The following UMOD variants were observed in gnomAD, a reference collection of about 807,000 sequenced individuals.
The protein encoded by UMOD is uromodulin, also known as Tamm-Horsfall urinary glycoprotein.
In UMOD, 64 loss-of-function variants were observed where a neutral mutation model predicts 66.0. The ratio of observed to expected loss-of-function variants is 0.97; its 90% confidence interval spans 0.79 to 1.19. The LOEUF (loss-of-function observed/expected upper bound fraction) is 1.19. UMOD is among the 50% of genes most tolerant of loss of function. UMOD has a pLI of 0.00. For missense variants in UMOD, 764 were observed against 850.9 expected, an observed-to-expected ratio of 0.90 and a Z score of 1.27; for synonymous variants, 398 against 352.7, an observed-to-expected ratio of 1.13 and a Z score of -1.44.
rs143641292 is a variant in UMOD, at chr16:20,336,726, G to T, written c.1742C>A (p.Thr581Asn). Residue 581 changes from threonine (T) to asparagine (N), a missense_variant and splice_region_variant, in exon 9 of 11, where the codon ACC (threonine) becomes AAC (asparagine). Thr to Asn is a moderately conservative substitution (Grantham distance 65). Transcript: ENST00000396138. ...CDTMNEKCKP[T>N]CSGTRFRSGS... ...ACTTCGGAATCTGGTCCCAGAGCAG[G>T]TCTACAGGGAGAGGGCAATAGAAAA... 2.1e-4 allele frequency: 338 copies of T among 1,614,042 alleles called. 1 individual carries two copies. Among genetic ancestry groups the T allele is most frequent in the Middle Eastern group, 5.0e-4 (3 of 6,044 alleles).
chr16:20,347,315 G>A (rs1257333650), intron 4 of UMOD, among the ~76,000 whole-genome samples: 4 of 152,150 alleles, frequency 2.6e-5, no homozygotes, highest in Admixed American at 6.5e-5. Flanking sequence ...GAGCCACTGC[G>A]CCCGGCCCAC....
At chr16:20,340,521 A>G (rs1248063805) in intron 7 of UMOD, among the ~76,000 whole-genome samples, 1 of 150,850 alleles carries the variant, frequency 6.6e-6, no homozygotes, top group Non-Finnish European at 1.5e-5. Context: ...TTGCCAATAC[A>G]TATGTATTGA....
chr16:20,339,010 C>T (rs1057470999), intron 7 of UMOD, among the ~76,000 whole-genome samples: 14 of 152,242 alleles, frequency 9.2e-5, no homozygotes, highest in Admixed American at 7.2e-4. Flanking sequence ...ATCTGCCTGC[C>T]TCAGCCTCCC....
chr16:20,350,869 A>G (rs181686405), intron 1 of UMOD, 30 bp from the exon 2 acceptor site: 47 of 1,536,162 alleles, frequency 3.1e-5, no homozygotes, highest in Non-Finnish European at 2.7e-5. Context: ...GGACAAATGC[A>G]TGATCTAACT....
intron 7 of UMOD, among the ~76,000 whole-genome samples, chr16:20,340,472 G>GTA (rs10533543): frequency 0.025 from 2,772 of 112,462 alleles, 24 homozygotes; most frequent in African/African-American, 0.038. Context: ...GTGTGTGTGT[G>GTA]TATATATATA....
At chr16:20,338,424 G>A (rs1311338538) in intron 7 of UMOD, among the ~76,000 whole-genome samples, 1 of 152,156 alleles carries the variant, frequency 6.6e-6, no homozygotes, top group Non-Finnish European at 1.5e-5. Flanking sequence ...GCAACTTATA[G>A]ACACACCCTA....
At chr16:20,343,093 G>C (rs1965328417) in intron 6 of UMOD, among the ~76,000 whole-genome samples, 1 of 151,574 alleles carries the variant, frequency 6.6e-6, no homozygotes. Context: ...TCATGCCATT[G>C]AACTCCAGCC....
rs74906285 is a variant in UMOD at position 20,351,328 on chromosome 16, G to A, written c.-102-489C>T. On this transcript the variant is annotated intron_variant, in intron 1 of 10. Transcript: ENST00000396138. ...CACATATCGTAAAGAAGTGGCTTGAGACGAGCAACTTGAGAGGTAATTAAC... is the reference window on the plus strand; with the variant it reads ...CACATATCGTAAAGAAGTGGCTTGAAACGAGCAACTTGAGAGGTAATTAAC... 9.4e-3 allele frequency: 1,643 copies of A among 174,140 alleles called. 27 individuals carry two copies. Among genetic ancestry groups the A allele is most frequent in the African/African-American group, 0.037 (1,555 of 42,122 alleles). 10.8% of individuals were successfully genotyped at this position (174,140 alleles called of 1,614,324 possible). A position where few individuals can be genotyped will look rare whatever the true frequency, so the allele number is the denominator to read the frequency against.
chr16:20,354,344 T>C (rs1307943458), upstream of UMOD, among the ~76,000 whole-genome samples: 1 of 152,182 alleles, frequency 6.6e-6, no homozygotes, highest in Non-Finnish European at 1.5e-5. Flanking sequence ...TATTGACTCC[T>C]CTTCCCAAAC....
Position 20,341,153 on chromosome 16 carries a change from G to A in UMOD, c.1515C>T (p.Asn505=). The change falls in exon 7 of 11, where the codon AAC becomes AAT. Residue 505 remains asparagine, a synonymous_variant. Coordinates refer to ENST00000396138, the MANE Select transcript of UMOD (RefSeq NM_003361.4). ...DLSRFALLMT[N]CYATPSSNAT... Reference sequence around the variant, plus strand: ...CATTGCTACTGGGTGTGGCATAGCAGTTGGTCATGAGCAGTGCAAATCGGG... The same window carrying A: ...CATTGCTACTGGGTGTGGCATAGCAATTGGTCATGAGCAGTGCAAATCGGG... The A allele has an allele frequency of 1.9e-6, 3 of 1,614,158 alleles. No individual in the cohort carries two copies. The highest frequency in any genetic ancestry group is 2.5e-6 in the Non-Finnish European group (3 of 1,180,030).
Position 20,341,086 on chromosome 16 carries a change from C to T in UMOD, c.1577+5G>A, listed in dbSNP as rs1482781247. ...TGAGTTCCCATGTAGGAACCTTTGC[C>T]TTACCTGTCCTGGATGATGAAGTAC... is the stretch of plus-strand genomic sequence containing the variant. On this transcript the variant is annotated splice_donor_5th_base_variant and intron_variant, in intron 7 of 10. Coordinates refer to ENST00000396138, the MANE Select transcript of UMOD (RefSeq NM_003361.4). The T allele has an allele frequency of 6.2e-7, 1 of 1,613,562 alleles. No individual in the cohort carries two copies. Among genetic ancestry groups the T allele is most frequent in the East Asian group, 2.2e-5 (1 of 44,858 alleles).
In UMOD at chr16:20,333,089, G is replaced by A. The variant is rs1004383424; in HGVS notation, c.*225C>T. The A allele has an allele frequency of 7.0e-6, 4 of 569,296 alleles. No homozygotes were observed. The highest frequency in any genetic ancestry group is 1.3e-5 in the Non-Finnish European group (4 of 310,208). 35.3% of individuals were successfully genotyped at this position (569,296 alleles called of 1,614,324 possible). ...TCATTATTTTGCCACACTCTTTAAG[G>A]AGATGGGGGCCTCAGGTACACCGTC... On this transcript the variant is annotated 3_prime_UTR_variant, in exon 11 of 11. Transcript: ENST00000396138.
rs1964682255 is a variant in UMOD at position 20,333,118 on chromosome 16, A to G, written c.*196T>C. The G allele has an allele frequency of 1.6e-6, 1 of 632,114 alleles. No homozygotes were observed. Among genetic ancestry groups the G allele is most frequent in the African/African-American group, 1.8e-5 (1 of 54,560 alleles). 39.2% of individuals were successfully genotyped at this position (632,114 alleles called of 1,614,324 possible). A position where few individuals can be genotyped will look rare whatever the true frequency, so the allele number is the denominator to read the frequency against. ...TGGGGGCCTCAGGTACACCGTCACA[A>G]GTCCCATTTTGAGAAAAAGCAGCAT... On this transcript the variant is annotated 3_prime_UTR_variant, in exon 11 of 11. Transcript: ENST00000396138.
At chr16:20,338,421 A>G (rs1001524457) in intron 7 of UMOD, among the ~76,000 whole-genome samples, 1 of 152,200 alleles carries the variant, frequency 6.6e-6, no homozygotes. Flanking sequence ...ATGGCAACTT[A>G]TAGACACACC....
intron 7 of UMOD, among the ~76,000 whole-genome samples, chr16:20,338,036 C>G (rs1219915260): frequency 6.6e-6 from 1 of 151,990 alleles, no homozygotes; most frequent in African/African-American, 2.4e-5. Flanking sequence ...AACTGGGCAC[C>G]CCCTCTGCCA....
upstream of UMOD, chr16:20,352,768 C>T: frequency 8.1e-7 from 1 of 1,227,628 alleles, no homozygotes; most frequent in Non-Finnish European, 1.0e-6. Flanking sequence ...GGCTGGCAAT[C>T]TCTCCTCCAA....
intron 9 of UMOD, among the ~76,000 whole-genome samples, chr16:20,335,910 G>C (rs984034859): frequency 6.6e-6 from 1 of 152,152 alleles, no homozygotes; most frequent in African/African-American, 2.4e-5. Context: ...ACCCCATCTT[G>C]GTTCTAACTT....
At chr16:20,349,715 G>A (rs894814159) in intron 2 of UMOD, 16 of 1,511,118 alleles carry the variant, frequency 1.1e-5, no homozygotes, top group Non-Finnish European at 1.3e-5. Context: ...TACTTTGGTA[G>A]GATTTACGGT....
rs1159216039 is a variant in UMOD, at chr16:20,348,735, T to C, written c.566A>G (p.Tyr189Cys). The change falls in exon 3 of 11, where the codon TAC becomes TGC. Residue 189 changes from tyrosine to cysteine, a missense_variant. Tyr to Cys is a radical substitution (Grantham distance 194). Transcript: ENST00000396138. ...TLDEYWRSTE[Y>C]GEGYACDTDL... Reference sequence around the variant, plus strand: ...CGTGTCGCAGGCGTAGCCCTCCCCGTACTCGGTGCTGCGCCAGTACTCGTC... The same window carrying C: ...CGTGTCGCAGGCGTAGCCCTCCCCGCACTCGGTGCTGCGCCAGTACTCGTC... 1.3e-6 allele frequency: 2 copies of C among 1,545,740 alleles called. No individual in the cohort carries two copies. Among genetic ancestry groups the C allele is most frequent in the African/African-American group, 2.7e-5 (2 of 73,208 alleles).
Sources: gnomAD v4.1 joint callset for allele counts (sites outside exome capture counted in the v4.1 genomes callset) on GRCh38, gnomAD v4.1.1 for gene constraint, MANE v1.5 for transcripts, NCBI Gene and HGNC (gene_info 2026-07-23, HGNC 2026-07-21) for gene names.